The following LDLRAD3 variants were observed in gnomAD, a reference collection of about 807,000 sequenced individuals.
LDLRAD3 encodes the protein low density lipoprotein receptor class A domain containing 3, also known as low-density lipoprotein receptor class A domain-containing protein 3.
A neutral mutation model predicts 29.4 loss-of-function variants in LDLRAD3; 20 were observed. The ratio of observed to expected loss-of-function variants is 0.68; its 90% CI spans 0.48 to 0.99. The LOEUF is 0.99. LDLRAD3 is among the 50% of genes least tolerant of loss of function. The pLI is 0.00. For synonymous variants in LDLRAD3, 157 were observed against 192.7 expected, an observed-to-expected ratio of 0.81 and a Z score of 1.53; for missense variants, 420 against 454.3, an observed-to-expected ratio of 0.92 and a Z score of 0.69.
chr11:36,164,756 A>G (rs374710163), intron 4 of LDLRAD3, among the ~76,000 whole-genome samples: 4 of 152,348 alleles, frequency 2.6e-5, no homozygotes, highest in African/African-American at 9.6e-5. Flanking sequence ...TTGGACAGAG[A>G]TAGAAGCTTT....
At chr11:35,987,471 C>T (rs546307918) in intron 1 of LDLRAD3, among the ~76,000 whole-genome samples, 1 of 152,228 alleles carries the variant, frequency 6.6e-6, no homozygotes, top group South Asian at 2.1e-4. Flanking sequence ...CCATGAATAC[C>T]CAATATTTAG....
chr11:36,058,696 T>G (rs1852656875), intron 2 of LDLRAD3, among the ~76,000 whole-genome samples: 1 of 152,224 alleles, frequency 6.6e-6, no homozygotes, highest in African/African-American at 2.4e-5. Context: ...TCTAAAGCAG[T>G]GGGTCTCAGT....
intron 1 of LDLRAD3, among the ~76,000 whole-genome samples, chr11:35,988,337 G>A (rs1851640288): frequency 6.6e-6 from 1 of 152,158 alleles, no homozygotes; most frequent in South Asian, 2.1e-4. Context: ...TGAGATTACA[G>A]GCATGAGCCA....
At chr11:36,128,136 G>GATATATATATA (rs1853868434) in intron 4 of LDLRAD3, among the ~76,000 whole-genome samples, 1 of 93,882 alleles carries the variant, frequency 1.1e-5, no homozygotes, top group African/African-American at 4.2e-5. Flanking sequence ...ATATATATAT[G>GATATATATATA]TATATGACAT....
intron 4 of LDLRAD3, among the ~76,000 whole-genome samples, chr11:36,226,492 T>C (rs1855500115): frequency 6.6e-6 from 1 of 152,248 alleles, no homozygotes. Context: ...TCCTGTTCCC[T>C]GGATAGCATA....
At chr11:36,074,663 C>G (rs1215852994) in intron 2 of LDLRAD3, among the ~76,000 whole-genome samples, 1 of 152,152 alleles carries the variant, frequency 6.6e-6, no homozygotes, top group African/African-American at 2.4e-5. Flanking sequence ...TGTGCTGAGG[C>G]TTGAGGAAAC....
intron 2 of LDLRAD3, among the ~76,000 whole-genome samples, chr11:36,051,809 G>A (rs1007978561): frequency 9.9e-5 from 15 of 152,230 alleles, no homozygotes; most frequent in East Asian, 3.9e-4. Flanking sequence ...GTTTTGAGTC[G>A]TCTCTCGAAT....
chr11:36,160,567 A>G (rs896870928), intron 4 of LDLRAD3, among the ~76,000 whole-genome samples: 1 of 152,036 alleles, frequency 6.6e-6, no homozygotes, highest in Non-Finnish European at 1.5e-5. Context: ...TTTTTCCCTT[A>G]AAAAATTTTT....
intron 2 of LDLRAD3, among the ~76,000 whole-genome samples, chr11:36,055,256 A>G (rs1852601936): frequency 6.7e-6 from 1 of 148,918 alleles, no homozygotes; most frequent in Non-Finnish European, 1.5e-5. Flanking sequence ...CCTGCTTGTA[A>G]TTAATTTTTC....
rs1358721142 is a variant in LDLRAD3 at position 36,036,133 on chromosome 11, C to T, written c.77C>T (p.Thr26Ile). Residue 26 changes from threonine to isoleucine, a missense_variant, in exon 2 of 6, where the codon ACC becomes ATC. This residue lies in a region of LDLRAD3 where 224 missense variants were observed against 222.2 expected (regional missense o/e 1.01). Coordinates refer to ENST00000315571, the MANE Select transcript of LDLRAD3 (RefSeq NM_174902.4). ...CAGCTGCTCCCCGGGAACAACTTCA[C>T]CAATGAGTGCAACATACCAGGCAAC... The part of the protein sequence containing the change: ...ESQLLPGNNF[T>I]NECNIPGNFM... 2 of 1,614,054 alleles carry T rather than the reference C, an allele frequency of 1.2e-6. No individual in the cohort carries two copies. Among genetic ancestry groups the T allele is most frequent in the South Asian group, 1.1e-5 (1 of 91,062 alleles).
At chr11:36,091,554 G>C (rs1853280957) in intron 3 of LDLRAD3, among the ~76,000 whole-genome samples, 1 of 151,472 alleles carries the variant, frequency 6.6e-6, no homozygotes, top group South Asian at 2.1e-4. Flanking sequence ...TTGGGAAATA[G>C]AGCTTTAGAA....
chr11:36,142,521 G>T (rs1239378022), intron 4 of LDLRAD3, among the ~76,000 whole-genome samples: 1 of 152,160 alleles, frequency 6.6e-6, no homozygotes, highest in East Asian at 1.9e-4. Context: ...TAGCCCTTTA[G>T]TCTGAGTGGA....
chr11:36,106,161 A>G (rs538024558), intron 4 of LDLRAD3, among the ~76,000 whole-genome samples: 1 of 152,138 alleles, frequency 6.6e-6, no homozygotes, highest in South Asian at 2.1e-4. Context: ...TGGTCTGCCT[A>G]TGGTGTGGGA....
chr11:36,084,921 C>T (rs898329884), intron 3 of LDLRAD3, among the ~76,000 whole-genome samples: 11 of 152,150 alleles, frequency 7.2e-5, no homozygotes, highest in African/African-American at 2.4e-4. Context: ...CATCTGTGTA[C>T]GTTAGCCACC....
intron 4 of LDLRAD3, among the ~76,000 whole-genome samples, chr11:36,124,602 A>G (rs1853808213): frequency 6.6e-6 from 1 of 151,886 alleles, no homozygotes; most frequent in Non-Finnish European, 1.5e-5. Context: ...ACCACAGACT[A>G]CATACCCTGT....
chr11:36,096,572 G>A (rs1853364486), intron 3 of LDLRAD3, among the ~76,000 whole-genome samples: 1 of 152,250 alleles, frequency 6.6e-6, no homozygotes, highest in African/African-American at 2.4e-5. Flanking sequence ...GGGAATGAGT[G>A]TAACATTCCC....
intron 1 of LDLRAD3, among the ~76,000 whole-genome samples, chr11:35,974,940 T>C (rs945318995): frequency 6.6e-6 from 1 of 152,230 alleles, no homozygotes; most frequent in African/African-American, 2.4e-5. Flanking sequence ...TACCTGCTTC[T>C]GTGACCCCAC....
intron 3 of LDLRAD3, among the ~76,000 whole-genome samples, chr11:36,092,130 G>C (rs1454574773): frequency 6.6e-6 from 1 of 152,130 alleles, no homozygotes; most frequent in African/African-American, 2.4e-5. Flanking sequence ...TCGAATCTTG[G>C]CTTTGTCAGC....
intron 4 of LDLRAD3, among the ~76,000 whole-genome samples, chr11:36,131,523 T>C (rs1222083381): frequency 3.9e-5 from 6 of 152,248 alleles, no homozygotes; most frequent in Non-Finnish European, 8.8e-5. Flanking sequence ...GACTACATTA[T>C]TGTATTTATT....
Sources: gnomAD v4.1 joint callset for allele counts (sites outside exome capture counted in the v4.1 genomes callset) on GRCh38, gnomAD v4.1.1 for gene constraint, gnomAD v4.1.1 regional missense constraint, MANE v1.5 for transcripts, NCBI Gene and HGNC (gene_info 2026-07-23, HGNC 2026-07-21) for gene names.